ASPRV1: variants seen among roughly 807,000 people sequenced by gnomAD.
ASPRV1 encodes the protein aspartic peptidase retroviral like 1, also known as retroviral-like aspartic protease 1.
In ASPRV1, 7 loss-of-function variants were observed where a neutral mutation model predicts 11.0. The ratio of observed to expected loss-of-function variants is 0.64; its 90% CI spans 0.36 to 1.20. The LOEUF is 1.20. ASPRV1 is among the 50% of genes most tolerant of loss of function. The probability of loss-of-function intolerance (pLI) is 0.02; values close to 1 mark genes in which losing one functional copy is unlikely to be tolerated. For synonymous variants in ASPRV1, 136 were observed against 138.4 expected (o/e 0.98, Z 0.12); for missense variants, 299 against 320.0 (o/e 0.93, Z 0.50).
At chr2:70,052,190 G>C in the ASPRV1 span, among the ~76,000 whole-genome samples, 3,737 of 152,204 alleles carry the variant, frequency 0.025, 344 homozygotes, top group Admixed American at 0.17. Context: ...GAGAGATAGG[G>C]AAGAAAGGAG....
chr2:70,060,579 G>T, the ASPRV1 span, among the ~76,000 whole-genome samples: 11 of 152,146 alleles, frequency 7.2e-5, no homozygotes, highest in African/African-American at 2.7e-4. Flanking sequence ...TTGGGAGGCC[G>T]AGGCAGCTGG....
the ASPRV1 span, among the ~76,000 whole-genome samples, chr2:70,076,545 T>C: frequency 2.0e-5 from 3 of 152,216 alleles, no homozygotes; most frequent in Non-Finnish European, 4.4e-5. Flanking sequence ...TTATCCTCAT[T>C]GTACAAATAC....
chr2:69,938,171 G>A, the ASPRV1 span: 5 of 1,614,218 alleles, frequency 3.1e-6, no homozygotes, highest in Non-Finnish European at 3.4e-6. Context: ...CAGTGTGAGC[G>A]ACTCTGACGA....
chr2:69,949,971 G>A, the ASPRV1 span, among the ~76,000 whole-genome samples: 9 of 151,864 alleles, frequency 5.9e-5, no homozygotes, highest in South Asian at 2.1e-4. Flanking sequence ...GTCTGCCACC[G>A]TACCAAGCTA....
At chr2:70,051,734 G>C in the ASPRV1 span, among the ~76,000 whole-genome samples, 4 of 152,158 alleles carry the variant, frequency 2.6e-5, no homozygotes, top group Non-Finnish European at 5.9e-5. Context: ...AGCACTTTGG[G>C]AGGCTGAGGA....
chr2:69,997,097 G>A, the ASPRV1 span, among the ~76,000 whole-genome samples: 1 of 151,634 alleles, frequency 6.6e-6, no homozygotes, highest in East Asian at 1.9e-4. Context: ...AAGGCAGGAG[G>A]ATGGCTTAAG....
the ASPRV1 span, among the ~76,000 whole-genome samples, chr2:70,065,607 C>T: frequency 6.6e-6 from 1 of 151,304 alleles, no homozygotes; most frequent in Non-Finnish European, 1.5e-5. Context: ...CATTTAAAAG[C>T]AGGGGCAGGG....
At chr2:69,990,372 T>C in the ASPRV1 span, among the ~76,000 whole-genome samples, 1 of 151,972 alleles carries the variant, frequency 6.6e-6, no homozygotes, top group Non-Finnish European at 1.5e-5. Flanking sequence ...ATATTAGAGA[T>C]AGGGTTTCAG....
At chr2:70,059,122 A>C in the ASPRV1 span, among the ~76,000 whole-genome samples, 3 of 149,456 alleles carry the variant, frequency 2.0e-5, no homozygotes, top group Non-Finnish European at 3.0e-5. Flanking sequence ...TCATCTCCTG[A>C]CCTCGTGATC....
At chr2:70,080,669 T>C in the ASPRV1 span, among the ~76,000 whole-genome samples, 2 of 152,226 alleles carry the variant, frequency 1.3e-5, no homozygotes, top group Non-Finnish European at 2.9e-5. Flanking sequence ...ATTATTGCTA[T>C]AAAATAAAGC....
At chr2:69,971,636 C>A in the ASPRV1 span, among the ~76,000 whole-genome samples, 1 of 152,170 alleles carries the variant, frequency 6.6e-6, no homozygotes, top group South Asian at 2.1e-4. Flanking sequence ...ACAGACAGTG[C>A]GGGGTGCTAA....
chr2:70,086,245 T>G, the ASPRV1 span: 2 of 152,158 alleles, frequency 1.3e-5, no homozygotes, highest in African/African-American at 4.8e-5. Flanking sequence ...TGGCGACGAA[T>G]GCTAACCACG....
the ASPRV1 span, among the ~76,000 whole-genome samples, chr2:70,071,358 T>C: frequency 6.6e-6 from 1 of 152,238 alleles, no homozygotes; most frequent in Non-Finnish European, 1.5e-5. Flanking sequence ...ACTGCAAATA[T>C]GTCTTACACA....
At chr2:69,997,929 A>G in the ASPRV1 span, 1 of 152,232 alleles carries the variant, frequency 6.6e-6, no homozygotes, top group East Asian at 1.9e-4. Context: ...TGCCTCATGT[A>G]ATCTTCATGA....
chr2:69,952,827 C>T, the ASPRV1 span, among the ~76,000 whole-genome samples: 1 of 152,170 alleles, frequency 6.6e-6, no homozygotes, highest in Non-Finnish European at 1.5e-5. Context: ...ATTGCCAATA[C>T]TGCCTTAGAC....
At chr2:70,074,133 CAAAAAA>C in the ASPRV1 span, among the ~76,000 whole-genome samples, 3 of 7,816 alleles carry the variant, frequency 3.8e-4, no homozygotes, top group Admixed American at 5.0e-3. Context: ...AACTTCATCT[CAAAAAA>C]AAAAAAAAAA....
chr2:69,987,872 G>C, the ASPRV1 span, among the ~76,000 whole-genome samples: 1 of 152,218 alleles, frequency 6.6e-6, no homozygotes, highest in Non-Finnish European at 1.5e-5. Context: ...TCAGGTAGGA[G>C]AGTGCCCAGG....
At chr2:70,084,395 A>C in the ASPRV1 span, among the ~76,000 whole-genome samples, 1 of 152,174 alleles carries the variant, frequency 6.6e-6, no homozygotes, top group Non-Finnish European at 1.5e-5. Context: ...CTCTGCAGAG[A>C]CCACATCCAG....
At chr2:69,996,601 C>A in the ASPRV1 span, 1 of 416,806 alleles carries the variant, frequency 2.4e-6, no homozygotes. Flanking sequence ...TTCAGGAATG[C>A]AACGTCTTTC....
Sources: gnomAD v4.1 joint callset for allele counts (sites outside exome capture counted in the v4.1 genomes callset) on GRCh38, gnomAD v4.1.1 for gene constraint, MANE v1.5 for transcripts, NCBI Gene and HGNC (gene_info 2026-07-23, HGNC 2026-07-21) for gene names.